The following PSD2 variants were observed in gnomAD, a reference collection of about 807,000 sequenced individuals.
PSD2 encodes the protein PH and SEC7 domain-containing protein 2.
Under a neutral mutation model 69.8 loss-of-function variants are expected in PSD2, and 38 were observed. The observed-to-expected ratio is 0.54, with a 90% confidence interval of 0.42 to 0.71. The LOEUF (loss-of-function observed/expected upper bound fraction) is 0.71, where lower values mean the gene tolerates loss of function less well. PSD2 is among the 30% of genes least tolerant of loss of function. The pLI is 0.00. For missense variants in PSD2, 943 were observed against 1,014.5 expected (o/e 0.93, Z 0.96); for synonymous variants, 412 against 423.0 (o/e 0.97, Z 0.32).
intron 1 of PSD2, among the ~76,000 whole-genome samples, chr5:139,802,236 G>A (rs527506290): frequency 6.6e-6 from 1 of 152,042 alleles, no homozygotes; most frequent in East Asian, 1.9e-4. Context: ...AGAGGAGTTG[G>A]GGGGCCTGGA....
intron 2 of PSD2, among the ~76,000 whole-genome samples, chr5:139,811,269 C>T (rs1020723726): frequency 1.3e-5 from 2 of 152,146 alleles, no homozygotes; most frequent in African/African-American, 4.8e-5. Context: ...AGTCTCAGGT[C>T]CTGCTGGGGC....
At chr5:139,806,022 C>A (rs575979175) in intron 1 of PSD2, among the ~76,000 whole-genome samples, 12 of 152,318 alleles carry the variant, frequency 7.9e-5, no homozygotes, top group Admixed American at 7.8e-4. Context: ...CTGCACTCAG[C>A]CCTGGCAGTT....
Position 139,833,799 on chromosome 5 carries a change from C to T in PSD2, c.1359+8C>T, listed in dbSNP as rs761473646. 5.4e-5 allele frequency: 86 copies of T among 1,600,978 alleles called. No individual in the cohort carries two copies. The highest frequency in any genetic ancestry group is 3.4e-4 in the South Asian group (31 of 90,812). On this transcript the variant is annotated splice_region_variant and intron_variant, in intron 8 of 14. Coordinates refer to ENST00000274710, the MANE Select transcript of PSD2 (RefSeq NM_032289.4). ...GCCAAAGACCTGCTGAAGGTACTGTCTGCTGAGTGTCCCCATCCCACTAGC... is the reference window on the plus strand; with the variant it reads ...GCCAAAGACCTGCTGAAGGTACTGTTTGCTGAGTGTCCCCATCCCACTAGC...
At chr5:139,788,038 G>C in the PSD2 span, among the ~76,000 whole-genome samples, 2 of 152,368 alleles carry the variant, frequency 1.3e-5, no homozygotes, top group Middle Eastern at 3.4e-3. Flanking sequence ...CATATGACCT[G>C]TATTCGCTTC....
intron 5 of PSD2, among the ~76,000 whole-genome samples, chr5:139,821,125 G>A (rs1306657400): frequency 2.0e-5 from 3 of 152,108 alleles, no homozygotes; most frequent in Non-Finnish European, 4.4e-5. Flanking sequence ...TAGAGATGGG[G>A]TTTCACCATG....
At chr5:139,803,753 G>C (rs983468808) in intron 1 of PSD2, among the ~76,000 whole-genome samples, 1 of 152,184 alleles carries the variant, frequency 6.6e-6, no homozygotes, top group East Asian at 1.9e-4. Context: ...TGGAATCCGG[G>C]AAGTTCCCTA....
chr5:139,781,957 GCA>G, the PSD2 span, among the ~76,000 whole-genome samples: 3 of 151,792 alleles, frequency 2.0e-5, no homozygotes, highest in Middle Eastern at 3.4e-3. Flanking sequence ...CTCTGAAATC[GCA>G]CACACACACA....
Position 139,837,891 on chromosome 5 carries a change from C to A in PSD2, c.1823+109C>A. On this transcript the variant is annotated intron_variant, in intron 12 of 14. Coordinates refer to ENST00000274710, the MANE Select transcript of PSD2 (RefSeq NM_032289.4). This position sits in a 1 kb window ranked among gnomAD's most constrained non-coding sequence, Gnocchi z 5.0. The stretch of plus-strand genomic sequence containing the variant: ...GTCAGCAACAGAGCATGTGTATCCA[C>A]ATGACACAGACCGACAGCTGGGTCC... 1.8e-6 allele frequency: 2 copies of A among 1,094,592 alleles called. No individual in the cohort carries two copies. The highest frequency in any genetic ancestry group is 2.6e-6 in the Non-Finnish European group (2 of 767,486). The allele number at this position is 1,094,592 out of a possible 1,614,324, so 67.8% of individuals were successfully genotyped here.
At position 139,842,919 on chromosome 5, in the gene PSD2, G is replaced by A. The variant is rs1760912783; in HGVS notation, c.*445G>A. ...CCTTCCTCTGAGTTGACCAGCAGCA[G>A]GTCTGCCGACCACCAGCACCATCCT... On this transcript the variant is annotated 3_prime_UTR_variant, in exon 15 of 15. Transcript: ENST00000274710. 1 of 161,546 alleles carries A rather than the reference G, an allele frequency of 6.2e-6. No homozygotes were observed. Among genetic ancestry groups the A allele is most frequent in the African/African-American group, 2.4e-5 (1 of 41,600 alleles). The allele number at this position is 161,546 out of a possible 1,614,324, so 10.0% of individuals were successfully genotyped here.
At position 139,814,718 on chromosome 5, in the gene PSD2, C is replaced by T. The variant is rs1372455120; in HGVS notation, c.1016+354C>T. ...ATGGGGCCAGGGAGAAAGGAGAACC[C>T]GGGCCTCGGGGGACACCTCTGGGAC... On this transcript the variant is annotated intron_variant, in intron 4 of 14. Coordinates refer to ENST00000274710, the MANE Select transcript of PSD2 (RefSeq NM_032289.4). This position sits in a 1 kb window ranked among gnomAD's most constrained non-coding sequence, Gnocchi z 4.4. Among the ~76,000 whole-genome samples, 4 of 152,004 alleles carry T rather than the reference C, an allele frequency of 2.6e-5. No homozygotes were observed. The highest frequency in any genetic ancestry group is 5.9e-5 in the Non-Finnish European group (4 of 67,974).
chr5:139,757,314 G>A, the PSD2 span, among the ~76,000 whole-genome samples: 1 of 152,220 alleles, frequency 6.6e-6, no homozygotes, highest in South Asian at 2.1e-4. Flanking sequence ...CAAATCACCT[G>A]CCACCACCAC....
At chr5:139,783,788 G>A in the PSD2 span, among the ~76,000 whole-genome samples, 9 of 151,910 alleles carry the variant, frequency 5.9e-5, no homozygotes, top group South Asian at 2.1e-4. Flanking sequence ...TGATTTCATC[G>A]GCAGCTTCTG....
At chr5:139,751,330 T>C in the PSD2 span, among the ~76,000 whole-genome samples, 1 of 152,152 alleles carries the variant, frequency 6.6e-6, no homozygotes, top group East Asian at 1.9e-4. Context: ...TGCCAGCTAC[T>C]CTTGGTTCCC....
At chr5:139,818,915 G>A (rs958322383) in intron 5 of PSD2, among the ~76,000 whole-genome samples, 1 of 151,874 alleles carries the variant, frequency 6.6e-6, no homozygotes, top group Non-Finnish European at 1.5e-5. Context: ...TAATTCTCTG[G>A]GTGAATTATC....
intron 1 of PSD2, among the ~76,000 whole-genome samples, chr5:139,799,346 A>C (rs1759609817): frequency 6.6e-6 from 1 of 152,222 alleles, no homozygotes; most frequent in Non-Finnish European, 1.5e-5. Context: ...CAGGGAGCTC[A>C]AAACTTCAGG....
At chr5:139,828,958 G>A (rs1760500952) in intron 7 of PSD2, among the ~76,000 whole-genome samples, 1 of 151,624 alleles carries the variant, frequency 6.6e-6, no homozygotes, top group Non-Finnish European at 1.5e-5. Context: ...CGGAGACAGA[G>A]GCTGTGGGAA....
At position 139,839,749 on chromosome 5, in the gene PSD2, C is replaced by T. The variant is rs1760825243; in HGVS notation, c.1969-278C>T. Among the ~76,000 whole-genome samples the T allele has an allele frequency of 6.6e-6, 1 of 152,112 alleles. No homozygotes were observed. ...GTCTGTGTCAGGGACTGTCTATGTG[C>T]ACATATAAGTGTGAGCATCTCTTGT... is the stretch of plus-strand genomic sequence containing the variant. On this transcript the variant is annotated intron_variant, in intron 13 of 14. Coordinates refer to ENST00000274710, the MANE Select transcript of PSD2 (RefSeq NM_032289.4). This position sits in a 1 kb window ranked among gnomAD's most constrained non-coding sequence, Gnocchi z 5.1.
intron 1 of PSD2, among the ~76,000 whole-genome samples, chr5:139,796,366 T>G (rs989934192): frequency 6.6e-6 from 1 of 152,182 alleles, no homozygotes; most frequent in African/African-American, 2.4e-5. Context: ...GGGGTGCCAG[T>G]GGCAGCCTGG....
At chr5:139,817,381 G>A in intron 4 of PSD2, 100 bp from the exon 5 acceptor site, 1 of 971,190 alleles carries the variant, frequency 1.0e-6, no homozygotes, top group Non-Finnish European at 1.7e-6. Flanking sequence ...GGTCTAGGGG[G>A]TGGGTGGGTC....
Sources: gnomAD v4.1 joint callset for allele counts (sites outside exome capture counted in the v4.1 genomes callset) on GRCh38, gnomAD v4.1.1 for gene constraint, Gnocchi (gnomAD v3.1) non-coding constraint, MANE v1.5 for transcripts, NCBI Gene and HGNC (gene_info 2026-07-23, HGNC 2026-07-21) for gene names.